Variants in B3GAT1 observed in about 807,000 individuals in gnomAD.
B3GAT1 encodes the protein beta-1,3-glucuronyltransferase 1.
In B3GAT1, 11 loss-of-function variants were observed where a neutral mutation model predicts 28.4. The observed-to-expected ratio is 0.39, with a 90% confidence interval of 0.24 to 0.64. The LOEUF (loss-of-function observed/expected upper bound fraction) is 0.64, where lower values mean the gene tolerates loss of function less well. Among genes scored for constraint, B3GAT1 ranks in the 30% least tolerant of loss-of-function variants. The pLI, the probability that B3GAT1 is intolerant of heterozygous loss-of-function variation, is 0.50. For missense variants in B3GAT1, 375 were observed against 491.0 expected, an observed-to-expected ratio of 0.76 and a Z score of 2.23; for synonymous variants, 255 against 223.1, an observed-to-expected ratio of 1.14 and a Z score of -1.27.
At chr11:134,389,721 G>A (rs1030048599) in intron 1 of B3GAT1, 1 of 152,306 alleles carries the variant, frequency 6.6e-6, no homozygotes, top group Non-Finnish European at 1.5e-5. Flanking sequence ...TCACCTGGGG[G>A]CCATGCTGCC....
At chr11:134,406,111 G>A (rs1409712966) in intron 1 of B3GAT1, among the ~76,000 whole-genome samples, 1 of 152,258 alleles carries the variant, frequency 6.6e-6, no homozygotes, top group African/African-American at 2.4e-5. Context: ...GCTCGTGGCA[G>A]CACAGTTGGC....
intron 1 of B3GAT1, chr11:134,409,623 T>C (rs541574465): frequency 6.6e-6 from 1 of 152,398 alleles, no homozygotes; most frequent in South Asian, 2.1e-4. Flanking sequence ...CCAACTGCTC[T>C]AGTGAGGGGC....
At chr11:134,382,627 G>C (rs1944159890) in intron 4 of B3GAT1, 83 bp downstream of exon 4, 1 of 1,506,306 alleles carries the variant, frequency 6.6e-7, no homozygotes, top group South Asian at 1.3e-5. Context: ...TGAGGCCTCT[G>C]TTTCCTTCTC....
chr11:134,383,120 C>G, intron 3 of B3GAT1, 114 bp from the exon 4 acceptor site: 1 of 1,226,732 alleles, frequency 8.2e-7, no homozygotes, highest in East Asian at 2.6e-5. Flanking sequence ...TGGCCAGCCG[C>G]GGCCACCTAG....
chr11:134,394,410 G>T (rs1352879159), intron 1 of B3GAT1, among the ~76,000 whole-genome samples: 1 of 152,184 alleles, frequency 6.6e-6, no homozygotes, highest in African/African-American at 2.4e-5. Context: ...TCGGGCCTTG[G>T]CCTCTGTGTC....
intron 1 of B3GAT1, chr11:134,390,898 C>A (rs1591640089): frequency 6.6e-6 from 1 of 152,290 alleles, no homozygotes; most frequent in East Asian, 1.9e-4. Context: ...AGGCCAAATG[C>A]TTCCTCTGGC....
chr11:134,382,866 G>A lies in B3GAT1; in HGVS notation c.762C>T (p.Asp254=), dbSNP rs1435760959. 6.2e-7 allele frequency: 1 copy of A among 1,614,198 alleles called. No homozygotes were observed. ...VFDPHRPFAI[D]MAGFAVNLRL... ...GCAGGTTGACGGCAAATCCAGCCAT[G>A]TCTATTGCAAATGGCCGGTGGGGGT... Residue 254 remains aspartate, a synonymous_variant, in exon 4 of 6, where the codon GAC becomes GAT. Coordinates refer to ENST00000312527, the MANE Select transcript of B3GAT1 (RefSeq NM_054025.3).
At chr11:134,388,992 G>A (rs1944354493) in intron 1 of B3GAT1, 1 of 152,236 alleles carries the variant, frequency 6.6e-6, no homozygotes, top group Non-Finnish European at 1.5e-5. Flanking sequence ...CTGCTGGCTA[G>A]AATGGCAGCT....
At chr11:134,381,629 C>G (rs954998205) in intron 5 of B3GAT1, 3 of 355,472 alleles carry the variant, frequency 8.4e-6, no homozygotes, top group African/African-American at 6.2e-5. Context: ...AATGGCAGTG[C>G]CTTGTGGGGT....
At chr11:134,402,554 A>G (rs1306069288) in intron 1 of B3GAT1, among the ~76,000 whole-genome samples, 1 of 152,018 alleles carries the variant, frequency 6.6e-6, no homozygotes, top group Non-Finnish European at 1.5e-5. Context: ...CCCTGCCCCT[A>G]AGGTCCCTCC....
chr11:134,401,038 G>C (rs370915320), intron 1 of B3GAT1, among the ~76,000 whole-genome samples: 1 of 152,156 alleles, frequency 6.6e-6, no homozygotes, highest in African/African-American at 2.4e-5. Context: ...TCAAAGTCAC[G>C]AGACACCATC....
At chr11:134,394,439 C>A (rs1299879536) in intron 1 of B3GAT1, among the ~76,000 whole-genome samples, 1 of 152,244 alleles carries the variant, frequency 6.6e-6, no homozygotes, top group African/African-American at 2.4e-5. Context: ...CCCGTGCCCA[C>A]ACCACGTCCC....
chr11:134,412,000 G>GC lies in B3GAT1; in HGVS notation c.-476dup, dbSNP rs1181771554. ...GCGCCCGCCCGCCCCGCCCGGCCCCGCCGCCCCGGCCCGGCTCGTTCTGGG... is the reference window on the plus strand; with the variant it reads ...GCGCCCGCCCGCCCCGCCCGGCCCCGCCCGCCCCGGCCCGGCTCGTTCTGGG... On this transcript the variant is annotated 5_prime_UTR_variant, in exon 1 of 6. Coordinates refer to ENST00000312527, the MANE Select transcript of B3GAT1 (RefSeq NM_054025.3). This position sits in a 1 kb window ranked among gnomAD's most constrained non-coding sequence, Gnocchi z 6.0. 3 of 144,904 alleles carry GC rather than the reference G, an allele frequency of 2.1e-5. No individual in the cohort carries two copies. Among genetic ancestry groups the GC allele is most frequent in the African/African-American group, 7.5e-5 (3 of 39,958 alleles). 9.0% of individuals were successfully genotyped at this position (144,904 alleles called of 1,614,324 possible). A position where few individuals can be genotyped will look rare whatever the true frequency, so the allele number is the denominator to read the frequency against.
rs980371421 is a variant in B3GAT1 at position 134,393,018 on chromosome 11, G to A, written c.-281-5078C>T. ...GGGGAAGCTTTGCTCAGTCCAGAGCGGAAGAGACGACACAGCTCGCTCCAG... is the reference window on the plus strand; with the variant it reads ...GGGGAAGCTTTGCTCAGTCCAGAGCAGAAGAGACGACACAGCTCGCTCCAG... On this transcript the variant is annotated intron_variant, in intron 1 of 5. Coordinates refer to ENST00000312527, the MANE Select transcript of B3GAT1 (RefSeq NM_054025.3). The surrounding 1 kb of genome is among the most constrained non-coding windows in gnomAD (Gnocchi z 4.0). 3.9e-5 allele frequency among the ~76,000 whole-genome samples: 6 copies of A among 152,174 alleles called. No homozygotes were observed. Among genetic ancestry groups the A allele is most frequent in the African/African-American group, 1.4e-4 (6 of 41,444 alleles).
intron 1 of B3GAT1, among the ~76,000 whole-genome samples, chr11:134,395,638 A>G (rs931886906): frequency 1.3e-5 from 2 of 151,858 alleles, no homozygotes; most frequent in Admixed American, 1.3e-4. Flanking sequence ...CTGGTATTGA[A>G]AGGTCCTCGC....
At chr11:134,394,393 C>T (rs1944466707) in intron 1 of B3GAT1, among the ~76,000 whole-genome samples, 1 of 152,220 alleles carries the variant, frequency 6.6e-6, no homozygotes, top group Admixed American at 6.5e-5. Context: ...AGCAGAGCTG[C>T]TCAAACTCGG....
chr11:134,405,616 C>G (rs988642564), intron 1 of B3GAT1, among the ~76,000 whole-genome samples: 1 of 151,982 alleles, frequency 6.6e-6, no homozygotes. Context: ...CGCCCCGACC[C>G]CGGGGGTGGC....
At chr11:134,385,865 G>A (rs1167693276) in intron 2 of B3GAT1, 2 of 152,214 alleles carry the variant, frequency 1.3e-5, no homozygotes, top group Non-Finnish European at 2.9e-5. Flanking sequence ...CTTGCTCTTG[G>A]CATGCTCTGG....
At chr11:134,409,655 G>A (rs1944812052) in intron 1 of B3GAT1, 1 of 152,302 alleles carries the variant, frequency 6.6e-6, no homozygotes, top group African/African-American at 2.4e-5. Context: ...GTGGACAATT[G>A]CTGAGGTCGA....
Sources: gnomAD v4.1 joint callset for allele counts (sites outside exome capture counted in the v4.1 genomes callset) on GRCh38, gnomAD v4.1.1 for gene constraint, Gnocchi (gnomAD v3.1) non-coding constraint, MANE v1.5 for transcripts, NCBI Gene and HGNC (gene_info 2026-07-23, HGNC 2026-07-21) for gene names.